The following MINDY4 variants were observed in gnomAD, a reference collection of about 807,000 sequenced individuals.
MINDY4 encodes the protein MINDY lysine 48 deubiquitinase 4, also known as probable ubiquitin carboxyl-terminal hydrolase MINDY-4.
In MINDY4, 68 loss-of-function variants were observed where a neutral mutation model predicts 87.0. That is an observed-to-expected ratio of 0.78 (90% CI 0.64 to 0.96). MINDY4 has a LOEUF of 0.96. Ranked by LOEUF, MINDY4 falls within the 40% of genes least tolerant of loss-of-function variation. MINDY4 has a pLI of 0.00. For synonymous variants in MINDY4, 379 were observed against 363.2 expected (o/e 1.04, Z -0.50); for missense variants, 919 against 928.2 (o/e 0.99, Z 0.13).
intron 7 of MINDY4, among the ~76,000 whole-genome samples, chr7:30,838,728 A>G (rs534724480): frequency 3.3e-5 from 5 of 152,284 alleles, no homozygotes; most frequent in Admixed American, 6.5e-5. Context: ...TCTTAAAACT[A>G]CTGATACTGG....
chr7:30,881,570 C>T (rs904129863), intron 15 of MINDY4, among the ~76,000 whole-genome samples: 2 of 152,246 alleles, frequency 1.3e-5, no homozygotes, highest in Non-Finnish European at 2.9e-5. Flanking sequence ...TTCATTCACC[C>T]GACATTTACT....
At chr7:30,886,000 A>T (rs930150072) in intron 17 of MINDY4, among the ~76,000 whole-genome samples, 7 of 152,256 alleles carry the variant, frequency 4.6e-5, no homozygotes, top group Admixed American at 4.6e-4. Flanking sequence ...ACCAGGTGAC[A>T]TACCACTGCA....
intron 17 of MINDY4, 58 bp from the exon 18 acceptor site, chr7:30,891,899 C>T: frequency 1.3e-6 from 2 of 1,571,130 alleles, no homozygotes; most frequent in African/African-American, 1.4e-5. Context: ...GAGATGGGCT[C>T]TCATCTGGGA....
intron 3 of MINDY4, among the ~76,000 whole-genome samples, chr7:30,785,344 A>G (rs754198097): frequency 1.3e-5 from 2 of 151,912 alleles, no homozygotes; most frequent in Non-Finnish European, 2.9e-5. Flanking sequence ...ACAGTGGGGA[A>G]TGCCAAGTTT....
chr7:30,836,632 C>A (rs746420213), intron 6 of MINDY4, 26 bp from the exon 7 acceptor site: 1 of 1,579,890 alleles, frequency 6.3e-7, no homozygotes, highest in South Asian at 1.1e-5. Flanking sequence ...TAACGAAGGG[C>A]TCACATGGCC....
At chr7:30,879,664 T>C (rs1280666395) in intron 15 of MINDY4, among the ~76,000 whole-genome samples, 3 of 152,216 alleles carry the variant, frequency 2.0e-5, no homozygotes, top group African/African-American at 7.2e-5. Context: ...TCGTTTTGAC[T>C]TAAACGTTAC....
intron 15 of MINDY4, among the ~76,000 whole-genome samples, chr7:30,880,753 C>G (rs1790442340): frequency 6.6e-6 from 1 of 152,178 alleles, no homozygotes; most frequent in Non-Finnish European, 1.5e-5. Flanking sequence ...ATGAGCTCTG[C>G]AGTCCACTTC....
intron 5 of MINDY4, among the ~76,000 whole-genome samples, chr7:30,806,231 C>T (rs1164401267): frequency 6.6e-6 from 1 of 152,146 alleles, no homozygotes; most frequent in Non-Finnish European, 1.5e-5. Flanking sequence ...CGCCATCTTT[C>T]ACATATTTAG....
intron 2 of MINDY4, chr7:30,781,237 C>T (rs1787001492): frequency 6.6e-6 from 1 of 152,216 alleles, no homozygotes; most frequent in South Asian, 2.1e-4. Flanking sequence ...CATATTGCTG[C>T]ATGCATAGCT....
At chr7:30,817,839 C>G (rs1437981122) in intron 5 of MINDY4, among the ~76,000 whole-genome samples, 1 of 152,216 alleles carries the variant, frequency 6.6e-6, no homozygotes, top group East Asian at 1.9e-4. Context: ...TAATCTAACC[C>G]TCTTGTTCAT....
chr7:30,802,932 CCCAACCAACCAACCCACCCAA>C (rs1787702328), intron 5 of MINDY4: 1 of 151,860 alleles, frequency 6.6e-6, no homozygotes, highest in Non-Finnish European at 1.5e-5. Flanking sequence ...ATCTCACCCA[CCCAACCAACCAACCCACCCAA>C]CCAACCAACC....
chr7:30,818,260 A>G (rs1788224955), intron 5 of MINDY4, among the ~76,000 whole-genome samples: 1 of 152,136 alleles, frequency 6.6e-6, no homozygotes, highest in South Asian at 2.1e-4. Flanking sequence ...ATAGTCTTGC[A>G]TTTCTATTTG....
At position 30,778,471 on chromosome 7, in the gene MINDY4, C is replaced by T; in HGVS notation, c.103C>T (p.Pro35Ser). 6.2e-7 allele frequency: 1 copy of T among 1,614,158 alleles called. No homozygotes were observed. ...KTCVTMDQER[P>S]RSDLSINNRN... is the part of the protein sequence containing the mutation. Reference sequence around the variant, plus strand: ...ATGTGTGACCATGGACCAGGAACGCCCACGCTCTGACCTCAGCATAAACAA... The same window carrying T: ...ATGTGTGACCATGGACCAGGAACGCTCACGCTCTGACCTCAGCATAAACAA... The change falls in exon 2 of 18, where the codon CCA (proline) becomes TCA (serine). Residue 35 changes from proline (P) to serine (S), a missense_variant. Physicochemically the swap from Pro to Ser is moderately conservative, Grantham distance 74. Transcript: ENST00000265299.
At chr7:30,836,162 C>G (rs1210717596) in intron 6 of MINDY4, among the ~76,000 whole-genome samples, 1 of 152,210 alleles carries the variant, frequency 6.6e-6, no homozygotes, top group Non-Finnish European at 1.5e-5. Flanking sequence ...TCAATAAATG[C>G]AAGTTACAAT....
rs114300900 is a variant in MINDY4 at position 30,842,469 on chromosome 7, G to A, written c.1445+1621G>A. On this transcript the variant is annotated intron_variant, in intron 9 of 17. Coordinates refer to ENST00000265299, the MANE Select transcript of MINDY4 (RefSeq NM_032222.3). Reference sequence around the variant, plus strand: ...GTAAGAACCGCTGGCTGCCCTCAGAGGGTACAGGGATACTGAGCACATATG... The same window carrying A: ...GTAAGAACCGCTGGCTGCCCTCAGAAGGTACAGGGATACTGAGCACATATG... Among the ~76,000 whole-genome samples, 472 of 152,316 alleles carry A rather than the reference G, an allele frequency of 3.1e-3. 2 individuals are homozygous for A. Among genetic ancestry groups the A allele is most frequent in the African/African-American group, 0.011 (450 of 41,572 alleles).
rs145558209 is a variant in MINDY4 at position 30,865,250 on chromosome 7, A to C, written c.1745+5926A>C. Among the ~76,000 whole-genome samples the C allele has an allele frequency of 3.9e-4, 60 of 152,184 alleles. No homozygotes were observed. In the East Asian group the frequency reaches 0.011, roughly 29 times the overall value. ...GGTGGGTTGGGTAAGTGTCCTTCCT[A>C]CCCAGCATGCTAAGACCTTTTGAAG... On this transcript the variant is annotated intron_variant, in intron 13 of 17. Coordinates refer to ENST00000265299, the MANE Select transcript of MINDY4 (RefSeq NM_032222.3).
intron 13 of MINDY4, among the ~76,000 whole-genome samples, chr7:30,863,370 C>T (rs929394055): frequency 2.0e-5 from 3 of 152,000 alleles, no homozygotes; most frequent in African/African-American, 4.8e-5. Context: ...AGTGTGTGTG[C>T]GGATGGGAGA....
chr7:30,840,637 C>T (rs1471303334), intron 8 of MINDY4, 123 bp from the exon 9 acceptor site: 2 of 720,800 alleles, frequency 2.8e-6, no homozygotes, highest in East Asian at 2.5e-5. Flanking sequence ...ATCAGAGGCC[C>T]TTCTGTTGCA....
At chr7:30,837,116 C>A (rs757669147) in intron 7 of MINDY4, among the ~76,000 whole-genome samples, 2 of 152,180 alleles carry the variant, frequency 1.3e-5, no homozygotes, top group African/African-American at 4.8e-5. Flanking sequence ...CTGTACTGGT[C>A]TCCTAAGCCC....
Sources: gnomAD v4.1 joint callset for allele counts (sites outside exome capture counted in the v4.1 genomes callset) on GRCh38, gnomAD v4.1.1 for gene constraint, MANE v1.5 for transcripts, NCBI Gene and HGNC (gene_info 2026-07-23, HGNC 2026-07-21) for gene names.